The following UBALD2 variants were observed in gnomAD, a reference collection of about 807,000 sequenced individuals.
UBALD2 encodes UBA like domain containing 2.
UBALD2 carries 8 observed loss-of-function variants against 15.9 expected under a neutral mutation model. That is an observed-to-expected ratio of 0.50 (90% CI 0.29 to 0.91). The LOEUF (loss-of-function observed/expected upper bound fraction) is 0.91. Among genes scored for constraint, UBALD2 ranks in the 40% least tolerant of loss-of-function variants. The pLI, the probability that UBALD2 is intolerant of heterozygous loss-of-function variation, is 0.07. For missense variants in UBALD2, 178 were observed against 234.8 expected (o/e 0.76, Z 1.58); for synonymous variants, 113 against 97.7 (o/e 1.16, Z -0.93).
chr17:76,270,824 G>A lies in UBALD2; in HGVS notation c.*319G>A. ...TGCTCGGGGGTAGGGCTGCCATGCT[G>A]CAGAGCTGATGGAGTGATGTTGTGG... On this transcript the variant is annotated 3_prime_UTR_variant, in exon 3 of 3. Transcript: ENST00000327490. 1 of 196,532 alleles carries A rather than the reference G, an allele frequency of 5.1e-6. No homozygotes were observed. The allele number at this position is 196,532 out of a possible 1,614,324, so 12.2% of individuals were successfully genotyped here.
At chr17:76,265,776 C>T (rs2070540258) in intron 1 of UBALD2, 131 bp from the exon 2 acceptor site, 1 of 1,421,132 alleles carries the variant, frequency 7.0e-7, no homozygotes, top group East Asian at 2.8e-5. Flanking sequence ...CGGCTCCCCT[C>T]TGCACGTGGG....
intron 1 of UBALD2, 25 bp from the exon 2 acceptor site, chr17:76,265,882 G>A: frequency 6.3e-7 from 1 of 1,595,970 alleles, no homozygotes; most frequent in Non-Finnish European, 8.5e-7. Flanking sequence ...CTGGCCCGCC[G>A]TGTCACTGCC....
intron 2 of UBALD2, among the ~76,000 whole-genome samples, chr17:76,267,783 T>A (rs1413609060): frequency 1.3e-5 from 2 of 151,846 alleles, no homozygotes; most frequent in Non-Finnish European, 2.9e-5. Context: ...TCCTGCCTCA[T>A]GGGATTACAG....
At chr17:76,268,198 T>C (rs986186022) in intron 2 of UBALD2, among the ~76,000 whole-genome samples, 3 of 152,168 alleles carry the variant, frequency 2.0e-5, no homozygotes, top group Admixed American at 6.5e-5. Context: ...CAGGGGACAA[T>C]GGGTTTTCTT....
chr17:76,266,377 C>T (rs946448642), intron 2 of UBALD2, among the ~76,000 whole-genome samples: 2 of 151,698 alleles, frequency 1.3e-5, no homozygotes, highest in Admixed American at 6.5e-5. Flanking sequence ...TTTATGGGGA[C>T]CCCCTCGTGC....
chr17:76,270,358 C>G lies in UBALD2; in HGVS notation c.348C>G (p.Ser116=). 2 of 1,573,522 alleles carry G rather than the reference C, an allele frequency of 1.3e-6. No individual in the cohort carries two copies. Among genetic ancestry groups the G allele is most frequent in the Non-Finnish European group, 1.7e-6 (2 of 1,163,938 alleles). The part of the protein sequence containing the change: ...PANFSPFWAS[S]PPSHQAPWIP... ...ACTTCAGCCCCTTCTGGGCCTCGTC[C>G]CCGCCCAGCCACCAGGCGCCCTGGA... The change falls in exon 3 of 3, where the codon TCC becomes TCG. Residue 116 remains serine (S), a synonymous_variant. Transcript: ENST00000327490.
rs765820087 is a variant in UBALD2 at position 76,266,018 on chromosome 17, C to T, written c.183+49C>T. On this transcript the variant is annotated intron_variant, in intron 2 of 2. Transcript: ENST00000327490. The stretch of plus-strand genomic sequence containing the variant: ...CGGGCCGGGGCCGCTGTCAGCGCGG[C>T]GGTGACAGCCATGTTGCCGGGGAGC... 2.6e-6 allele frequency: 4 copies of T among 1,533,768 alleles called. No individual in the cohort carries two copies. In the Middle Eastern group the frequency reaches 5.1e-4, roughly 194 times the overall value.
chr17:76,265,549 A>G lies in UBALD2; in HGVS notation c.44A>G (p.Asn15Ser), dbSNP rs756118569. 7.5e-7 allele frequency: 1 copy of G among 1,335,682 alleles called. No individual in the cohort carries two copies. The allele number at this position is 1,335,682 out of a possible 1,614,324, so 82.7% of individuals were successfully genotyped here. A position where few individuals can be genotyped will look rare whatever the true frequency, so the allele number is the denominator to read the frequency against. ...GAGCTGCGGCACCAGGTCATGATCA[A>G]CCAGTTCGTGCTGGCCGCGGGCTGC... Reference protein sequence around the residue: ...MDELRHQVMINQFVLAAGCAA... With the variant: ...MDELRHQVMISQFVLAAGCAA... The change falls in exon 1 of 3, where the codon AAC becomes AGC. Residue 15 changes from asparagine (N) to serine (S), a missense_variant. Physicochemically the swap from Asn to Ser is conservative, Grantham distance 46. Coordinates refer to ENST00000327490, the MANE Select transcript of UBALD2 (RefSeq NM_182565.4).
Position 76,271,179 on chromosome 17 carries a change from C to G in UBALD2, c.*674C>G, listed in dbSNP as rs947869581. ...ACTGCCCTGGGCGCCCTGCCCCTCC[C>G]GCTGCGTGTCCAGGTCCAAAGTGGA... On this transcript the variant is annotated 3_prime_UTR_variant, in exon 3 of 3. Coordinates refer to ENST00000327490, the MANE Select transcript of UBALD2 (RefSeq NM_182565.4). The G allele has an allele frequency of 6.6e-6, 1 of 152,090 alleles. No individual in the cohort carries two copies. Among genetic ancestry groups the G allele is most frequent in the South Asian group, 2.1e-4 (1 of 4,826 alleles). The allele number at this position is 152,090 out of a possible 1,614,324, so 9.4% of individuals were successfully genotyped here.
intron 2 of UBALD2, among the ~76,000 whole-genome samples, chr17:76,268,507 A>G: frequency 6.8e-6 from 1 of 147,308 alleles, no homozygotes; most frequent in African/African-American, 2.6e-5. Flanking sequence ...GGCAGGGAGT[A>G]GTGGAGGGAG....
Position 76,266,773 on chromosome 17 carries a change from C to G in UBALD2, c.183+804C>G, listed in dbSNP as rs184589769. Reference sequence around the variant, plus strand: ...GGACATCTCTCCTGTACCCTACCCCCCTAGTTACCTATTAGCCCTGCTGGG... The same window carrying G: ...GGACATCTCTCCTGTACCCTACCCCGCTAGTTACCTATTAGCCCTGCTGGG... On this transcript the variant is annotated intron_variant, in intron 2 of 2. Coordinates refer to ENST00000327490, the MANE Select transcript of UBALD2 (RefSeq NM_182565.4). Among the ~76,000 whole-genome samples, 372 of 152,300 alleles carry G rather than the reference C, an allele frequency of 2.4e-3. 1 individual carries two copies. The highest frequency in any genetic ancestry group is 0.01 in the Middle Eastern group (3 of 294).
intron 2 of UBALD2, among the ~76,000 whole-genome samples, chr17:76,267,559 G>T (rs1203356776): frequency 6.8e-6 from 1 of 148,040 alleles, no homozygotes. Context: ...TCTCTATGTG[G>T]CCCAAGCTGG....
chr17:76,265,998 C>T, intron 2 of UBALD2, 29 bp downstream of exon 2: 6 of 1,552,512 alleles, frequency 3.9e-6, no homozygotes, highest in Non-Finnish European at 5.2e-6. Context: ...GGGCGCGGGC[C>T]GGGGCCGCTG....
At chr17:76,267,490 CTTTTTTTTTT>C (rs55819046) in intron 2 of UBALD2, among the ~76,000 whole-genome samples, 1 of 115,162 alleles carries the variant, frequency 8.7e-6, no homozygotes, top group Non-Finnish European at 1.7e-5. Context: ...TTCATGGTTT[CTTTTTTTTTT>C]TTTTTTTTTT....
chr17:76,270,310 C>A lies in UBALD2; in HGVS notation c.300C>A (p.Ala100=), dbSNP rs1314374158. The change falls in exon 3 of 3, where the codon GCC becomes GCA. Residue 100 remains alanine (A), a synonymous_variant. Transcript: ENST00000327490. Reference sequence around the variant, plus strand: ...AGAGCAGCAACAGCCCCATGACAGCCGCAGCCTGCTCCCCACCTGCAAACT... The same window carrying A: ...AGAGCAGCAACAGCCCCATGACAGCAGCAGCCTGCTCCCCACCTGCAAACT... The part of the protein sequence containing the change: ...GLQSSNSPMT[A]AACSPPANFS... 2 of 1,609,618 alleles carry A rather than the reference C, an allele frequency of 1.2e-6. No homozygotes were observed. The highest frequency in any genetic ancestry group is 3.3e-5 in the Admixed American group (2 of 59,836).
Position 76,270,603 on chromosome 17 carries a change from G to T in UBALD2, c.*98G>T, listed in dbSNP as rs1047248346. The T allele has an allele frequency of 2.2e-5, 25 of 1,137,214 alleles. No homozygotes were observed. Among genetic ancestry groups the T allele is most frequent in the Non-Finnish European group, 2.9e-5 (25 of 855,350 alleles). The allele number at this position is 1,137,214 out of a possible 1,614,324, so 70.4% of individuals were successfully genotyped here. A position where few individuals can be genotyped will look rare whatever the true frequency, so the allele number is the denominator to read the frequency against. On this transcript the variant is annotated 3_prime_UTR_variant, in exon 3 of 3. Transcript: ENST00000327490. ...AGGGGGGAGCCGGGGAGGGCAGGGGGTTTCCCGAAGATCGCACTGGAAGAT... is the reference window on the plus strand; with the variant it reads ...AGGGGGGAGCCGGGGAGGGCAGGGGTTTTCCCGAAGATCGCACTGGAAGAT...
chr17:76,266,949 G>C lies in UBALD2; in HGVS notation c.183+980G>C, dbSNP rs1197281633. On this transcript the variant is annotated intron_variant, in intron 2 of 2. Coordinates refer to ENST00000327490, the MANE Select transcript of UBALD2 (RefSeq NM_182565.4). ...CATCTAGTCACAGAGGACAAGTAGA[G>C]GGGTCTGTCTTGACCTTGTTAGCTA... Among the ~76,000 whole-genome samples, 4 of 152,186 alleles carry C rather than the reference G, an allele frequency of 2.6e-5. No homozygotes were observed. The East Asian group carries it at 7.7e-4, about 29-fold the overall frequency.
At position 76,265,478 on chromosome 17, in the gene UBALD2, G is replaced by A; in HGVS notation, c.-28G>A. On this transcript the variant is annotated 5_prime_UTR_variant, in exon 1 of 3. Coordinates refer to ENST00000327490, the MANE Select transcript of UBALD2 (RefSeq NM_182565.4). ...AGCCCCGCGTCTGCGTCCGGCCGGA[G>A]ACGCCGGGCCCCGCGCCGCGCCGCG... 9.2e-7 allele frequency: 1 copy of A among 1,083,710 alleles called. No homozygotes were observed. The highest frequency in any genetic ancestry group is 1.1e-6 in the Non-Finnish European group (1 of 887,818). The allele number at this position is 1,083,710 out of a possible 1,614,324, so 67.1% of individuals were successfully genotyped here.
At chr17:76,268,429 G>C (rs1358802684) in intron 2 of UBALD2, among the ~76,000 whole-genome samples, 1 of 151,176 alleles carries the variant, frequency 6.6e-6, no homozygotes, top group Non-Finnish European at 1.5e-5. Context: ...GATGCAATTG[G>C]CCTCCACCCC....
Sources: allele counts gnomAD v4.1 joint callset (sites outside exome capture counted in the v4.1 genomes callset), GRCh38; gene constraint gnomAD v4.1.1; transcripts MANE v1.5; gene names NCBI Gene and HGNC (gene_info 2026-07-23, HGNC 2026-07-21).